LYRM4: variants seen among roughly 807,000 people sequenced by gnomAD.
LYRM4 encodes the protein LYR motif-containing protein 4.
LYRM4 carries 9 observed loss-of-function variants against 11.7 expected under a neutral mutation model. The observed-to-expected ratio is 0.77, with a 90% CI of 0.46 to 1.34. The LOEUF (loss-of-function observed/expected upper bound fraction) is 1.34. Among genes scored for constraint, LYRM4 ranks in the 40% most tolerant of loss-of-function variants. The probability of loss-of-function intolerance (pLI) is 0.00; values close to 1 mark genes in which losing one functional copy is unlikely to be tolerated. For synonymous variants in LYRM4, 42 were observed against 40.4 expected, an observed-to-expected ratio of 1.04 and a Z score of -0.15; for missense variants, 133 against 112.5, an observed-to-expected ratio of 1.18 and a Z score of -0.82.
chr6:5,157,201 T>C (rs748837778), intron 2 of LYRM4, among the ~76,000 whole-genome samples: 1 of 152,218 alleles, frequency 6.6e-6, no homozygotes, highest in Non-Finnish European at 1.5e-5. Context: ...CGCAAAAAAG[T>C]ATTTTCCCTA....
intron 1 of LYRM4, among the ~76,000 whole-genome samples, chr6:5,218,567 C>T (rs541290262): frequency 3.3e-5 from 5 of 152,090 alleles, no homozygotes; most frequent in South Asian, 2.1e-4. Flanking sequence ...GTTTAGGAAC[C>T]GGTACTTAGA....
At chr6:5,258,105 G>A (rs1222499907) in intron 1 of LYRM4, among the ~76,000 whole-genome samples, 1 of 152,184 alleles carries the variant, frequency 6.6e-6, no homozygotes, top group Non-Finnish European at 1.5e-5. Context: ...AGGCCCAACA[G>A]GACGTGGCAC....
chr6:5,162,513 G>GAGAGAGAGAGAA (rs1345491579), intron 2 of LYRM4, among the ~76,000 whole-genome samples: 1 of 151,976 alleles, frequency 6.6e-6, no homozygotes, highest in Non-Finnish European at 1.5e-5. Flanking sequence ...GAGAGAGAGA[G>GAGAGAGAGAGAA]AGAGAGAGAA....
downstream of LYRM4, chr6:5,105,474 C>T (rs902483543): frequency 2.6e-5 from 4 of 152,432 alleles, no homozygotes; most frequent in Non-Finnish European, 2.9e-5. Flanking sequence ...CCCTGCATCT[C>T]TCCCAGTGTA....
At chr6:5,119,096 C>G (rs1288982019) in intron 2 of LYRM4, among the ~76,000 whole-genome samples, 1 of 152,156 alleles carries the variant, frequency 6.6e-6, no homozygotes, top group Non-Finnish European at 1.5e-5. Flanking sequence ...AGTACACACT[C>G]CATCTCCATC....
At chr6:5,219,902 A>T (rs1762487621) in intron 1 of LYRM4, among the ~76,000 whole-genome samples, 1 of 152,122 alleles carries the variant, frequency 6.6e-6, no homozygotes. Context: ...CGGCATGAAA[A>T]ACTAACGCAG....
chr6:5,032,426 A>C, the LYRM4 span: 1 of 152,262 alleles, frequency 6.6e-6, no homozygotes, highest in Non-Finnish European at 1.5e-5. Context: ...AAATTAAAAG[A>C]TACAGTTTAA....
chr6:5,203,133 A>G (rs1411292111), intron 2 of LYRM4, among the ~76,000 whole-genome samples: 1 of 152,154 alleles, frequency 6.6e-6, no homozygotes, highest in African/African-American at 2.4e-5. Context: ...CAGACGATTA[A>G]CTACCCACGC....
At chr6:5,175,737 C>T (rs1276446747) in intron 2 of LYRM4, among the ~76,000 whole-genome samples, 5 of 152,308 alleles carry the variant, frequency 3.3e-5, no homozygotes, top group Middle Eastern at 3.4e-3. Flanking sequence ...CTACATATTT[C>T]CAAGGCTGTT....
chr6:5,157,857 A>T (rs900146630), intron 2 of LYRM4, among the ~76,000 whole-genome samples: 1 of 152,220 alleles, frequency 6.6e-6, no homozygotes, highest in African/African-American at 2.4e-5. Flanking sequence ...TTGGATTTTC[A>T]TCAAGCCTGT....
chr6:5,079,364 T>C, the LYRM4 span, among the ~76,000 whole-genome samples: 6 of 152,254 alleles, frequency 3.9e-5, no homozygotes, highest in African/African-American at 1.2e-4. Context: ...AAGAATATTC[T>C]CTTCTTGGTG....
Position 5,162,410 on chromosome 6 carries a change from C to G in LYRM4, c.208-52919G>C, listed in dbSNP as rs539423378. 4.6e-5 allele frequency among the ~76,000 whole-genome samples: 7 copies of G among 152,226 alleles called. 1 individual carries two copies. In the South Asian group the frequency reaches 1.5e-3, roughly 32 times the overall value. ...CCCTTCAGTGTTTCCCGAAGGATGA[C>G]ACTACTGACCCTCGACAGTGAGCCT... On this transcript the variant is annotated intron_variant, in intron 2 of 2. Transcript: ENST00000330636.
the LYRM4 span, among the ~76,000 whole-genome samples, chr6:5,054,687 G>A: frequency 6.6e-6 from 1 of 152,150 alleles, no homozygotes; most frequent in Non-Finnish European, 1.5e-5. Flanking sequence ...GGAAGGAGGA[G>A]TCAGACTTAC....
chr6:5,181,180 C>G (rs1760051029), intron 2 of LYRM4, among the ~76,000 whole-genome samples: 1 of 152,022 alleles, frequency 6.6e-6, no homozygotes, highest in East Asian at 1.9e-4. Context: ...AAAACAAAAC[C>G]ACAAACCTGG....
intron 2 of LYRM4, among the ~76,000 whole-genome samples, chr6:5,213,020 C>T (rs1762065881): frequency 6.6e-6 from 1 of 152,126 alleles, no homozygotes; most frequent in Admixed American, 6.5e-5. Flanking sequence ...AGATCTTGCA[C>T]ATTAAGGACA....
chr6:5,242,027 C>T (rs1340450279), intron 1 of LYRM4, among the ~76,000 whole-genome samples: 2 of 151,998 alleles, frequency 1.3e-5, no homozygotes, highest in Non-Finnish European at 2.9e-5. Flanking sequence ...GATTACAAGG[C>T]CTTCACACAC....
rs139673283 is a variant in LYRM4 at position 5,185,373 on chromosome 6, A to G, written c.207+31245T>C. ...GGAAAGGACATCTTCCCAGGAGGAC[A>G]TGGCTTGTCTTCTGCTAGAGCATAA... On this transcript the variant is annotated intron_variant, in intron 2 of 2. Coordinates refer to ENST00000330636, the MANE Select transcript of LYRM4 (RefSeq NM_020408.6). Among the ~76,000 whole-genome samples, 234 of 152,346 alleles carry G rather than the reference A, an allele frequency of 1.5e-3. 1 individual carries two copies. Among genetic ancestry groups the G allele is most frequent in the Middle Eastern group, 6.8e-3 (2 of 294 alleles).
intron 1 of LYRM4, among the ~76,000 whole-genome samples, chr6:5,237,859 G>A (rs1230632329): frequency 6.6e-6 from 1 of 152,216 alleles, no homozygotes; most frequent in Non-Finnish European, 1.5e-5. Context: ...TGCTGAGGAT[G>A]CTGCCCTTCA....
At chr6:5,095,539 T>C in the LYRM4 span, among the ~76,000 whole-genome samples, 2,027 of 152,314 alleles carry the variant, frequency 0.013, 33 homozygotes, top group South Asian at 0.087. Context: ...AACTCAATGA[T>C]TGGCACAAAT....
Sources: allele counts gnomAD v4.1 joint callset (sites outside exome capture counted in the v4.1 genomes callset), GRCh38; gene constraint gnomAD v4.1.1; transcripts MANE v1.5; gene names NCBI Gene and HGNC (gene_info 2026-07-23, HGNC 2026-07-21).